The following TNC variants were observed in gnomAD, a reference collection of about 807,000 sequenced individuals.
TNC encodes the protein tenascin C, also known as tenascin.
TNC carries 109 observed loss-of-function variants against 202.4 expected under a neutral mutation model. The ratio of observed to expected loss-of-function variants is 0.54; its 90% CI spans 0.46 to 0.63. The LOEUF is 0.63. TNC is among the 30% of genes least tolerant of loss of function. TNC has a pLI of 0.00. For missense variants in TNC, 2,756 were observed against 2,833.3 expected (o/e 0.97, Z 0.62); for synonymous variants, 1,007 against 1,089.7 (o/e 0.92, Z 1.50).
At chr9:115,067,405 C>A (rs984991664) in intron 10 of TNC, among the ~76,000 whole-genome samples, 1 of 152,200 alleles carries the variant, frequency 6.6e-6, no homozygotes, top group African/African-American at 2.4e-5. Context: ...CGTACCCCTT[C>A]GTGTGAATTA....
intron 22 of TNC, among the ~76,000 whole-genome samples, 178 bp from the exon 23 acceptor site, chr9:115,031,863 G>C (rs1013762037): frequency 8.5e-5 from 13 of 152,128 alleles, no homozygotes; most frequent in African/African-American, 2.4e-4. Context: ...TATCAGAGAT[G>C]GGGAGAGTAC....
chr9:115,057,009 A>T, intron 15 of TNC, 144 bp downstream of exon 15: 1 of 929,138 alleles, frequency 1.1e-6, no homozygotes, highest in Non-Finnish European at 1.6e-6. Context: ...GAAAAGAGTT[A>T]TGTTAAACAG....
chr9:115,029,308 C>A (rs543994558), intron 25 of TNC, 52 bp downstream of exon 25: 6 of 1,551,014 alleles, frequency 3.9e-6, no homozygotes, highest in South Asian at 1.1e-5. Flanking sequence ...GGAAAAGTGA[C>A]AAGGAGGGCA....
intron 19 of TNC, 34 bp from the exon 20 acceptor site, chr9:115,038,414 A>T: frequency 6.2e-7 from 1 of 1,610,464 alleles, no homozygotes; most frequent in Non-Finnish European, 8.5e-7. Flanking sequence ...GAGGGAAGTC[A>T]TTGGGTGGGA....
intron 1 of TNC, among the ~76,000 whole-genome samples, chr9:115,105,020 G>A (rs920072218): frequency 6.6e-6 from 1 of 152,200 alleles, no homozygotes; most frequent in Admixed American, 6.5e-5. Flanking sequence ...CCGATCCAAT[G>A]TGCTAATATT....
At chr9:115,040,497 A>G (rs977412658) in intron 19 of TNC, among the ~76,000 whole-genome samples, 7 of 152,134 alleles carry the variant, frequency 4.6e-5, no homozygotes, top group Non-Finnish European at 1.0e-4. Flanking sequence ...GAACAATTGT[A>G]TTTCAGGATG....
chr9:115,064,529 C>T (rs1366306031), intron 11 of TNC, 118 bp downstream of exon 11: 2 of 1,291,224 alleles, frequency 1.5e-6, no homozygotes, highest in African/African-American at 1.5e-5. Context: ...CACAATTAGA[C>T]CCCATAGACA....
rs1484457881 is a variant in TNC, at chr9:115,073,692, C to A, written c.3125G>T (p.Gly1042Val). ...ATTGTACTCCTGTCCTGGTTCCAGG[C>A]CTCTCAGGACATAGGAAGTGGTGTT... ...PRNTTSYVLRGLEPGQEYNVL... is the reference protein window; with the variant it reads ...PRNTTSYVLRVLEPGQEYNVL... The change falls in exon 10 of 28, where the codon GGC becomes GTC. Residue 1042 changes from glycine to valine, a missense_variant. By Grantham distance (109) the Gly-to-Val change is moderately radical (BLOSUM62 -3). Transcript: ENST00000350763. The A allele has an allele frequency of 6.2e-7, 1 of 1,614,148 alleles. No homozygotes were observed. Among genetic ancestry groups the A allele is most frequent in the South Asian group, 1.1e-5 (1 of 91,078 alleles).
At chr9:115,093,928 A>G (rs1835422792) in intron 1 of TNC, among the ~76,000 whole-genome samples, 1 of 152,132 alleles carries the variant, frequency 6.6e-6, no homozygotes. Flanking sequence ...GTCTGAGGGC[A>G]GTGGGTGTTT....
Position 115,030,414 on chromosome 9 carries a change from T to C in TNC, c.5921-9A>G, listed in dbSNP as rs1004133782. On this transcript the variant is annotated splice_polypyrimidine_tract_variant and intron_variant, in intron 23 of 27. Coordinates refer to ENST00000350763, the MANE Select transcript of TNC (RefSeq NM_002160.4). Reference sequence around the variant, plus strand: ...GGGGTACAGGAGTCCAACTGTGGAATAAGGAGAAATGGTGATGCTCTCAGT... The same window carrying C: ...GGGGTACAGGAGTCCAACTGTGGAACAAGGAGAAATGGTGATGCTCTCAGT... 3 of 1,610,274 alleles carry C rather than the reference T, an allele frequency of 1.9e-6. No individual in the cohort carries two copies. The African/African-American group carries it at 4.0e-5, about 21-fold the overall frequency.
chr9:115,114,046 G>A (rs879617264), intron 1 of TNC, among the ~76,000 whole-genome samples: 6 of 152,322 alleles, frequency 3.9e-5, no homozygotes, highest in Admixed American at 6.5e-5. Flanking sequence ...TATAGCCCCC[G>A]AAGGTAGGTA....
intron 21 of TNC, 113 bp downstream of exon 21, chr9:115,035,985 A>C: frequency 7.8e-7 from 1 of 1,281,568 alleles, no homozygotes; most frequent in Non-Finnish European, 1.1e-6. Flanking sequence ...ATGTAATCAC[A>C]TTGCAAGGCC....
intron 10 of TNC, among the ~76,000 whole-genome samples, chr9:115,072,289 A>G (rs1452522803): frequency 1.3e-5 from 2 of 152,224 alleles, no homozygotes; most frequent in African/African-American, 2.4e-5. Context: ...ATGTTGTGAC[A>G]CTGAGATGAC....
chr9:115,022,690 G>A (rs1197492040), intron 27 of TNC, among the ~76,000 whole-genome samples: 1 of 152,006 alleles, frequency 6.6e-6, no homozygotes, highest in Non-Finnish European at 1.5e-5. Context: ...ACAATAAGAT[G>A]GAAACAACAC....
chr9:115,086,773 A>G lies in TNC; in HGVS notation c.958T>C (p.Phe320Leu), dbSNP rs1161817129. Residue 320 changes from phenylalanine to leucine, a missense_variant, in exon 3 of 28, where the codon TTC (phenylalanine) becomes CTC (leucine). Around this residue, in one of 2 missense-constraint regions of TNC, gnomAD observed 2,559 missense variants for 2,546.0 expected, o/e 1.01. Coordinates refer to ENST00000350763, the MANE Select transcript of TNC (RefSeq NM_002160.4). ...CCATTGATGCAGCGGCCCCGGTCGA[A>G]GCAGTCATTGGGGCAGATGAGCTCA... is the stretch of plus-strand genomic sequence containing the variant. Reference protein sequence around the residue: ...CSELICPNDCFDRGRCINGTC... With the variant: ...CSELICPNDCLDRGRCINGTC... The G allele has an allele frequency of 6.2e-7, 1 of 1,613,824 alleles. No homozygotes were observed. The highest frequency in any genetic ancestry group is 8.5e-7 in the Non-Finnish European group (1 of 1,179,974).
rs1201388780 is a variant in TNC at position 115,086,625 on chromosome 9, C to T, written c.1106G>A (p.Gly369Asp). The stretch of plus-strand genomic sequence containing the variant: ...ACACCTCTTCTCGCTGCAGTCCACA[C>T]CGGCAAAGCCCTCATCACATACACA... ...GQCVCDEGFA[G>D]VDCSEKRCPA... Residue 369 changes from glycine (G) to aspartate (D), a missense_variant, in exon 3 of 28, where the codon GGT becomes GAT. Gly to Asp is a moderately conservative substitution (Grantham distance 94). Coordinates refer to ENST00000350763, the MANE Select transcript of TNC (RefSeq NM_002160.4). The T allele has an allele frequency of 1.9e-6, 3 of 1,614,200 alleles. 1 individual carries two copies. The South Asian group carries it at 3.3e-5, about 18-fold the overall frequency.
At chr9:115,052,148 T>A (rs1831732607) in intron 15 of TNC, among the ~76,000 whole-genome samples, 1 of 151,430 alleles carries the variant, frequency 6.6e-6, no homozygotes, top group Non-Finnish European at 1.5e-5. Context: ...GAAAATTCTG[T>A]CATTTTCAAC....
At chr9:115,043,366 T>C (rs760045388) in intron 17 of TNC, among the ~76,000 whole-genome samples, 1 of 152,182 alleles carries the variant, frequency 6.6e-6, no homozygotes, top group Non-Finnish European at 1.5e-5. Context: ...CCAGACTCTG[T>C]GGCTGCCTGG....
intron 10 of TNC, among the ~76,000 whole-genome samples, chr9:115,065,998 T>A (rs1202841190): frequency 6.6e-6 from 1 of 151,966 alleles, no homozygotes; most frequent in East Asian, 1.9e-4. Flanking sequence ...ATTTCATCAG[T>A]TTCTAGCGTT....
Sources: gnomAD v4.1 joint callset for allele counts (sites outside exome capture counted in the v4.1 genomes callset) on GRCh38, gnomAD v4.1.1 for gene constraint, gnomAD v4.1.1 regional missense constraint, MANE v1.5 for transcripts, NCBI Gene and HGNC (gene_info 2026-07-23, HGNC 2026-07-21) for gene names.